CFAP251: variants seen among roughly 807,000 people sequenced by gnomAD.
CFAP251 encodes the protein cilia- and flagella-associated protein 251.
A neutral mutation model predicts 126.7 loss-of-function variants in CFAP251; 93 were observed. That is an observed-to-expected ratio of 0.73 (90% CI 0.62 to 0.87). The LOEUF (loss-of-function observed/expected upper bound fraction) is 0.87. Ranked by LOEUF, CFAP251 falls within the 40% of genes least tolerant of loss-of-function variation. The probability of loss-of-function intolerance (pLI) is 0.00; values close to 1 mark genes in which losing one functional copy is unlikely to be tolerated. For missense variants in CFAP251, 1,287 were observed against 1,389.2 expected (o/e 0.93, Z 1.17); for synonymous variants, 503 against 506.9 (o/e 0.99, Z 0.10).
chr12:121,967,650 C>T (rs1882192423), intron 16 of CFAP251, among the ~76,000 whole-genome samples: 1 of 152,114 alleles, frequency 6.6e-6, no homozygotes. Flanking sequence ...TGCAGTAAGC[C>T]GAGATCGCGC....
chr12:121,960,205 A>C (rs755618212), intron 13 of CFAP251, among the ~76,000 whole-genome samples: 1 of 152,088 alleles, frequency 6.6e-6, no homozygotes, highest in Non-Finnish European at 1.5e-5. Context: ...ATAGACTAAG[A>C]TTATTTTTGA....
intron 2 of CFAP251, among the ~76,000 whole-genome samples, chr12:121,922,652 A>G (rs573941901): frequency 6.0e-4 from 89 of 149,410 alleles, no homozygotes; most frequent in African/African-American, 2.1e-3. Flanking sequence ...AGAATAGGTC[A>G]CTGTCTGTAG....
At chr12:121,955,510 A>G (rs1479348328) in intron 10 of CFAP251, among the ~76,000 whole-genome samples, 1 of 152,012 alleles carries the variant, frequency 6.6e-6, no homozygotes, top group Non-Finnish European at 1.5e-5. Flanking sequence ...ATTTCACGAG[A>G]TATGGATGCA....
intron 17 of CFAP251, among the ~76,000 whole-genome samples, chr12:121,972,871 C>T (rs1882371191): frequency 6.6e-6 from 1 of 152,132 alleles, no homozygotes; most frequent in Non-Finnish European, 1.5e-5. Flanking sequence ...ATAAAGAAAG[C>T]AGAGCATAAA....
At chr12:121,937,434 T>G (rs920814825) in intron 5 of CFAP251, among the ~76,000 whole-genome samples, 3 of 152,170 alleles carry the variant, frequency 2.0e-5, no homozygotes, top group Non-Finnish European at 2.9e-5. Context: ...AAGGTCATAT[T>G]CTGAGGTTCT....
intron 1 of CFAP251, among the ~76,000 whole-genome samples, chr12:121,920,923 A>T (rs1880143084): frequency 6.6e-6 from 1 of 151,258 alleles, no homozygotes; most frequent in African/African-American, 2.4e-5. Flanking sequence ...ATCTTGGCTC[A>T]CTGCAACCTC....
rs78329547 is a variant in CFAP251, at chr12:121,968,934, C to G, written c.2771+765C>G. 2,447 of 985,442 alleles carry G rather than the reference C, an allele frequency of 2.5e-3. 57 individuals carry two copies. In the African/African-American group the frequency reaches 0.039, roughly 16 times the overall value. The allele number at this position is 985,442 out of a possible 1,614,324, so 61.0% of individuals were successfully genotyped here. On this transcript the variant is annotated intron_variant, in intron 17 of 21. Coordinates refer to ENST00000288912, the MANE Select transcript of CFAP251 (RefSeq NM_144668.6). Reference sequence around the variant, plus strand: ...TCTTCCCTAATAAAGAGGGGACAAGCACCCACACTGTCCTCTCATCTACCC... The same window carrying G: ...TCTTCCCTAATAAAGAGGGGACAAGGACCCACACTGTCCTCTCATCTACCC...
chr12:121,958,950 T>C lies in CFAP251; in HGVS notation c.1989T>C (p.Leu663=). 1 of 1,585,298 alleles carries C rather than the reference T, an allele frequency of 6.3e-7. No individual in the cohort carries two copies. Among genetic ancestry groups the C allele is most frequent in the South Asian group, 1.2e-5 (1 of 85,594 alleles). The change falls in exon 13 of 22, where the codon CTT becomes CTC. Residue 663 remains leucine (L), a synonymous_variant. Coordinates refer to ENST00000288912, the MANE Select transcript of CFAP251 (RefSeq NM_144668.6). ...TCTGGCTTGTCATTTCAGGAGCCCT[T>C]CTTGGAGCTGGCTTTACAGAGGGGA... is the stretch of plus-strand genomic sequence containing the variant. ...QSLTYNPEGA[L]LGAGFTEGTV... is the part of the protein sequence containing the mutation.
intron 5 of CFAP251, among the ~76,000 whole-genome samples, chr12:121,939,876 C>A (rs1443393917): frequency 6.6e-6 from 1 of 152,098 alleles, no homozygotes. Context: ...ATGTTTGGCC[C>A]CACTTACAAA....
chr12:121,941,920 C>G (rs943211036), intron 5 of CFAP251, among the ~76,000 whole-genome samples: 3 of 152,026 alleles, frequency 2.0e-5, no homozygotes, highest in Admixed American at 6.6e-5. Context: ...GGAGAGTGCC[C>G]GATTCCCTGA....
chr12:121,924,075 A>T (rs1403050322), intron 3 of CFAP251, 85 bp downstream of exon 3: 131 of 1,424,030 alleles, frequency 9.2e-5, no homozygotes, highest in Non-Finnish European at 1.2e-4. Context: ...GGGGAAAAAG[A>T]ATACCACCAG....
At chr12:121,943,179 G>A (rs1272806777) in intron 7 of CFAP251, among the ~76,000 whole-genome samples, 1 of 152,064 alleles carries the variant, frequency 6.6e-6, no homozygotes, top group African/African-American at 2.4e-5. Flanking sequence ...TGGGTGTGGT[G>A]GCACATGCCT....
At chr12:121,958,894 C>T in intron 12 of CFAP251, 49 bp from the exon 13 acceptor site, 2 of 1,538,312 alleles carry the variant, frequency 1.3e-6, no homozygotes, top group Non-Finnish European at 1.7e-6. Flanking sequence ...CTCAACATCT[C>T]TTGAATGAAT....
intron 10 of CFAP251, among the ~76,000 whole-genome samples, chr12:121,955,434 G>A (rs529496882): frequency 6.6e-5 from 10 of 152,208 alleles, no homozygotes; most frequent in Admixed American, 6.5e-4. Flanking sequence ...ACCTTGTTGA[G>A]CCTCTATTTC....
chr12:121,993,807 C>G (rs1882946842), intron 19 of CFAP251, among the ~76,000 whole-genome samples: 1 of 129,042 alleles, frequency 7.7e-6, no homozygotes, highest in African/African-American at 2.8e-5. Context: ...GGGGGGTCAG[C>G]CCCCCGCCCG....
chr12:121,965,759 A>G (rs1373332940), intron 15 of CFAP251, among the ~76,000 whole-genome samples: 2 of 152,032 alleles, frequency 1.3e-5, no homozygotes, highest in African/African-American at 4.8e-5. Context: ...ATTATTACTC[A>G]TGATTATCTT....
intron 19 of CFAP251, among the ~76,000 whole-genome samples, chr12:121,977,528 C>T (rs907644432): frequency 1.7e-4 from 26 of 152,006 alleles, no homozygotes; most frequent in Admixed American, 5.9e-4. Flanking sequence ...GGCATGGTGG[C>T]GCACGCCTGT....
Position 121,928,700 on chromosome 12 carries a change from A to T in CFAP251, c.748-3046A>T, listed in dbSNP as rs1355171032. On this transcript the variant is annotated intron_variant, in intron 3 of 21. Transcript: ENST00000288912. ...TATATATATATATACGTATATATAT[A>T]TATATTTTTTTTTTGAGACAGGGTC... Among the ~76,000 whole-genome samples the T allele has an allele frequency of 3.1e-3, 133 of 43,042 alleles. 2 individuals carry two copies. The highest frequency in any genetic ancestry group is 0.013 in the African/African-American group (120 of 9,420). 28.2% of individuals were successfully genotyped at this position (43,042 alleles called of 152,430 possible).
Position 121,942,948 on chromosome 12 carries a change from C to G in CFAP251, c.1164C>G (p.Leu388=), listed in dbSNP as rs754222362. Residue 388 remains leucine (L), a synonymous_variant, in exon 7 of 22, where the codon CTC becomes CTG. Coordinates refer to ENST00000288912, the MANE Select transcript of CFAP251 (RefSeq NM_144668.6). Reference sequence around the variant, plus strand: ...CAGTGGAAACGCCAGCATGCACTCTCGAACTCCCCACAGAGTACGGTGTTC... The same window carrying G: ...CAGTGGAAACGCCAGCATGCACTCTGGAACTCCCCACAGAGTACGGTGTTC... ...TLAVETPACT[L]ELPTEYGVQN... 5.6e-6 allele frequency: 9 copies of G among 1,614,142 alleles called. No homozygotes were observed. Among genetic ancestry groups the G allele is most frequent in the Middle Eastern group, 3.3e-4 (2 of 6,062 alleles).
Sources: gnomAD v4.1 joint callset for allele counts (sites outside exome capture counted in the v4.1 genomes callset) on GRCh38, gnomAD v4.1.1 for gene constraint, MANE v1.5 for transcripts, NCBI Gene and HGNC (gene_info 2026-07-23, HGNC 2026-07-21) for gene names.